Variants in FBXL17 observed in about 807,000 individuals in gnomAD.
The protein encoded by FBXL17 is F-box/LRR-repeat protein 17.
Under a neutral mutation model 66.2 loss-of-function variants are expected in FBXL17, and 22 were observed. That is an observed-to-expected ratio of 0.33 (90% CI 0.24 to 0.47). The LOEUF (loss-of-function observed/expected upper bound fraction) is 0.47, where lower values mean the gene tolerates loss of function less well. Among genes scored for constraint, FBXL17 ranks in the 20% least tolerant of loss-of-function variants. FBXL17 has a pLI of 1.00. For synonymous variants in FBXL17, 474 were observed against 400.5 expected, an observed-to-expected ratio of 1.18 and a Z score of -2.19; for missense variants, 878 against 948.2, an observed-to-expected ratio of 0.93 and a Z score of 0.97.
intron 7 of FBXL17, among the ~76,000 whole-genome samples, chr5:107,932,954 A>G (rs1750780580): frequency 6.6e-6 from 1 of 152,172 alleles, no homozygotes; most frequent in Non-Finnish European, 1.5e-5. Flanking sequence ...TTATTATGAA[A>G]GAGGAAAAAG....
intron 7 of FBXL17, among the ~76,000 whole-genome samples, chr5:108,020,191 G>A (rs975505008): frequency 8.6e-5 from 13 of 151,660 alleles, no homozygotes; most frequent in Middle Eastern, 3.2e-3. Context: ...GAAAATAAAC[G>A]AAAACCATTT....
chr5:108,110,998 A>G (rs1750011916), intron 6 of FBXL17, among the ~76,000 whole-genome samples: 1 of 152,200 alleles, frequency 6.6e-6, no homozygotes, highest in Non-Finnish European at 1.5e-5. Flanking sequence ...CTCTTTTACT[A>G]GGACAATGGC....
At chr5:108,214,605 C>T (rs774313404) in intron 5 of FBXL17, among the ~76,000 whole-genome samples, 2 of 152,026 alleles carry the variant, frequency 1.3e-5, no homozygotes, top group African/African-American at 4.8e-5. Context: ...CTCCTGACCT[C>T]GTGATCTGCC....
intron 3 of FBXL17, 143 bp downstream of exon 3, chr5:108,364,595 A>G (rs531707531): frequency 3.0e-6 from 2 of 658,614 alleles, no homozygotes; most frequent in Non-Finnish European, 5.1e-6. Context: ...TAACTAATCT[A>G]AACAAATATT....
chr5:107,973,455 G>GA (rs565448913), intron 7 of FBXL17, among the ~76,000 whole-genome samples: 235 of 150,890 alleles, frequency 1.6e-3, no homozygotes, highest in Middle Eastern at 3.4e-3. Flanking sequence ...GTGGTCTGGG[G>GA]AAGCCAAAAG....
chr5:108,168,666 G>A (rs188443436), intron 6 of FBXL17, among the ~76,000 whole-genome samples: 1 of 151,988 alleles, frequency 6.6e-6, no homozygotes, highest in African/African-American at 2.4e-5. Flanking sequence ...GCTAATATAA[G>A]CATTAATAAA....
chr5:108,157,684 T>C (rs187029471), intron 6 of FBXL17, among the ~76,000 whole-genome samples: 2 of 151,926 alleles, frequency 1.3e-5, no homozygotes, highest in African/African-American at 2.4e-5. Flanking sequence ...AGCTGAGCCA[T>C]ATTTTAAGAA....
chr5:108,156,612 CCTTA>C (rs911176454), intron 6 of FBXL17, among the ~76,000 whole-genome samples: 5 of 151,574 alleles, frequency 3.3e-5, no homozygotes, highest in South Asian at 2.1e-4. Context: ...TTTGCTTTTT[CCTTA>C]CTTAAAGAAA....
chr5:108,159,510 C>T (rs2150005121), intron 6 of FBXL17, among the ~76,000 whole-genome samples: 1 of 152,156 alleles, frequency 6.6e-6, no homozygotes, highest in East Asian at 1.9e-4. Context: ...TCAAAGAGAC[C>T]CCAAAGAGGT....
At chr5:108,257,680 G>A (rs543549922) in intron 4 of FBXL17, among the ~76,000 whole-genome samples, 1 of 152,180 alleles carries the variant, frequency 6.6e-6, no homozygotes, top group Non-Finnish European at 1.5e-5. Flanking sequence ...TACTAAAGTG[G>A]CAGAACCAAG....
At chr5:107,995,415 T>A (rs1481297640) in intron 7 of FBXL17, among the ~76,000 whole-genome samples, 1 of 152,190 alleles carries the variant, frequency 6.6e-6, no homozygotes, top group Non-Finnish European at 1.5e-5. Flanking sequence ...ATGAACTCTT[T>A]CCTACAGGAT....
intron 4 of FBXL17, among the ~76,000 whole-genome samples, chr5:108,241,540 T>C (rs1186853918): frequency 1.3e-5 from 2 of 151,972 alleles, no homozygotes; most frequent in Non-Finnish European, 2.9e-5. Context: ...GCTATTGCCT[T>C]TAAAAGGAAG....
intron 6 of FBXL17, among the ~76,000 whole-genome samples, chr5:108,114,669 T>C (rs1021056818): frequency 2.0e-5 from 3 of 152,188 alleles, no homozygotes; most frequent in African/African-American, 7.2e-5. Flanking sequence ...ACACAAATGC[T>C]TGGCACATTG....
At chr5:107,966,348 G>C (rs1015439462) in intron 7 of FBXL17, among the ~76,000 whole-genome samples, 22 of 152,092 alleles carry the variant, frequency 1.4e-4, no homozygotes, top group African/African-American at 5.3e-4. Context: ...ACCCTCTTGA[G>C]ACCCTGCAGT....
intron 7 of FBXL17, among the ~76,000 whole-genome samples, chr5:108,003,978 T>C (rs1044866021): frequency 6.6e-6 from 1 of 152,088 alleles, no homozygotes; most frequent in Admixed American, 6.5e-5. Flanking sequence ...GGAAGATCTA[T>C]AAATTCTGAA....
intron 4 of FBXL17, among the ~76,000 whole-genome samples, chr5:108,225,472 C>A (rs927592410): frequency 3.3e-5 from 5 of 152,022 alleles, no homozygotes; most frequent in Non-Finnish European, 5.9e-5. Flanking sequence ...ATATAACTGG[C>A]GGAGCAGAGA....
rs143105684 is a variant in FBXL17, at chr5:108,322,577, T to C, written c.1506+25822A>G. Among the ~76,000 whole-genome samples, 427 of 152,086 alleles carry C rather than the reference T, an allele frequency of 2.8e-3. 3 individuals carry two copies. The highest frequency in any genetic ancestry group is 9.7e-3 in the African/African-American group (404 of 41,548). ...AGAGAGCAGTGGAGAAGATGGTGAT[T>C]GATGGGAGCAAGACTTCCTGGTTTG... On this transcript the variant is annotated intron_variant, in intron 4 of 8. Coordinates refer to ENST00000542267, the MANE Select transcript of FBXL17 (RefSeq NM_001163315.3).
chr5:107,950,278 T>C (rs1751453680), intron 7 of FBXL17, among the ~76,000 whole-genome samples: 1 of 152,124 alleles, frequency 6.6e-6, no homozygotes, highest in African/African-American at 2.4e-5. Context: ...TTATTTTAAA[T>C]ATACAATATT....
chr5:108,299,452 A>T (rs937079361), intron 4 of FBXL17: 2 of 940,990 alleles, frequency 2.1e-6, no homozygotes, highest in Admixed American at 6.2e-5. Context: ...TAGTTTATAG[A>T]TATAGAAAAG....
Sources: allele counts gnomAD v4.1 joint callset (sites outside exome capture counted in the v4.1 genomes callset), GRCh38; gene constraint gnomAD v4.1.1; transcripts MANE v1.5; gene names NCBI Gene and HGNC (gene_info 2026-07-23, HGNC 2026-07-21).